The following TMEM132B variants were observed in gnomAD, a reference collection of about 807,000 sequenced individuals.
TMEM132B encodes the protein transmembrane protein 132B.
Under a neutral mutation model 90.8 loss-of-function variants are expected in TMEM132B, and 18 were observed. That is an observed-to-expected ratio of 0.20 (90% CI 0.14 to 0.29). TMEM132B has a LOEUF of 0.29. TMEM132B is among the 10% of genes least tolerant of loss of function. The pLI, the probability that TMEM132B is intolerant of heterozygous loss-of-function variation, is 1.00. For missense variants in TMEM132B, 1,096 were observed against 1,326.8 expected, an observed-to-expected ratio of 0.83 and a Z score of 2.70; for synonymous variants, 504 against 523.3, an observed-to-expected ratio of 0.96 and a Z score of 0.50.
chr12:125,301,707 T>A (rs1044221029), intron 1 of TMEM132B: 5 of 151,480 alleles, frequency 3.3e-5, no homozygotes, highest in Non-Finnish European at 7.4e-5. Flanking sequence ...TGAAACCCTA[T>A]CTCTACTAAA....
intron 1 of TMEM132B, among the ~76,000 whole-genome samples, chr12:125,299,258 CA>C (rs913006756): frequency 2.0e-5 from 3 of 152,206 alleles, no homozygotes; most frequent in Non-Finnish European, 2.9e-5. Flanking sequence ...ACTGTCTCTC[CA>C]ACACTCGGGT....
At chr12:125,364,843 A>T (rs1878076605) in intron 2 of TMEM132B, among the ~76,000 whole-genome samples, 1 of 152,000 alleles carries the variant, frequency 6.6e-6, no homozygotes, top group Admixed American at 6.6e-5. Flanking sequence ...TTTTGTGTGT[A>T]CTGAGGTTGT....
At chr12:125,465,224 T>C (rs934457619) in intron 3 of TMEM132B, among the ~76,000 whole-genome samples, 16 of 152,196 alleles carry the variant, frequency 1.1e-4, no homozygotes, top group African/African-American at 2.9e-4. Flanking sequence ...GGTTCATTCT[T>C]TTGTCCTCTC....
At chr12:125,434,983 A>G (rs1190398735) in intron 3 of TMEM132B, among the ~76,000 whole-genome samples, 2 of 152,086 alleles carry the variant, frequency 1.3e-5, no homozygotes, top group Non-Finnish European at 2.9e-5. Flanking sequence ...TCTCTTACTA[A>G]GCGTTTGGGG....
intron 3 of TMEM132B, among the ~76,000 whole-genome samples, chr12:125,513,823 A>G (rs945232522): frequency 9.9e-5 from 15 of 152,184 alleles, no homozygotes; most frequent in African/African-American, 3.6e-4. Flanking sequence ...TTAAAAATTG[A>G]AGAATTTTGT....
At chr12:125,262,218 G>A (rs936583254) in intron 1 of TMEM132B, among the ~76,000 whole-genome samples, 1 of 147,060 alleles carries the variant, frequency 6.8e-6, no homozygotes, top group Non-Finnish European at 1.5e-5. Flanking sequence ...AGACTAGCCT[G>A]GGCAACATAA....
At chr12:125,547,712 A>G (rs1463913650) in intron 4 of TMEM132B, among the ~76,000 whole-genome samples, 1 of 152,106 alleles carries the variant, frequency 6.6e-6, no homozygotes, top group South Asian at 2.1e-4. Context: ...TGAAGCCCCA[A>G]AGGGCCTTCT....
chr12:125,250,809 C>T (rs144556655), intron 1 of TMEM132B, among the ~76,000 whole-genome samples: 4 of 152,328 alleles, frequency 2.6e-5, no homozygotes, highest in African/African-American at 9.6e-5. Flanking sequence ...CATCCACACT[C>T]AGGAGCCTGC....
intron 5 of TMEM132B, among the ~76,000 whole-genome samples, chr12:125,595,209 G>T (rs1166438401): frequency 6.6e-6 from 1 of 152,134 alleles, no homozygotes; most frequent in East Asian, 1.9e-4. Flanking sequence ...GAAGGGGGAG[G>T]GACCTATTGC....
chr12:125,586,098 T>C (rs1405045121), intron 5 of TMEM132B: 1 of 152,208 alleles, frequency 6.6e-6, no homozygotes, highest in Admixed American at 6.5e-5. Context: ...ACATGGCACA[T>C]TCATTAGCAC....
chr12:125,535,836 G>T (rs1883781044), intron 4 of TMEM132B, among the ~76,000 whole-genome samples: 1 of 152,198 alleles, frequency 6.6e-6, no homozygotes. Context: ...CAGGAGAGGG[G>T]AGCTTGCAGA....
At chr12:125,497,155 T>C (rs1436744035) in intron 3 of TMEM132B, among the ~76,000 whole-genome samples, 3 of 152,208 alleles carry the variant, frequency 2.0e-5, no homozygotes, top group African/African-American at 4.8e-5. Flanking sequence ...TGAAGCACTT[T>C]CCTTCCTCAT....
intron 1 of TMEM132B, among the ~76,000 whole-genome samples, chr12:125,328,374 A>G (rs1044815505): frequency 5.9e-5 from 9 of 152,106 alleles, no homozygotes; most frequent in African/African-American, 2.2e-4. Context: ...TTCTTCCCCA[A>G]ATGGGACCTG....
chr12:125,555,049 G>A (rs551796907), intron 4 of TMEM132B, among the ~76,000 whole-genome samples: 31 of 152,276 alleles, frequency 2.0e-4, no homozygotes, highest in African/African-American at 7.5e-4. Flanking sequence ...AATGATTGAT[G>A]TGACTGGTCG....
At chr12:125,327,816 T>C (rs895327720) in intron 1 of TMEM132B, among the ~76,000 whole-genome samples, 14 of 152,218 alleles carry the variant, frequency 9.2e-5, no homozygotes, top group Non-Finnish European at 1.8e-4. Flanking sequence ...AATCTGTGGC[T>C]GGCAGATGCT....
intron 2 of TMEM132B, among the ~76,000 whole-genome samples, chr12:125,414,567 A>G (rs1288777504): frequency 6.6e-6 from 1 of 152,158 alleles, no homozygotes; most frequent in Non-Finnish European, 1.5e-5. Context: ...GGAAGCAGAG[A>G]GGAGCTGGTC....
chr12:125,625,130 C>CTTTTTTTTTTTTTTTTTTTT (rs1169262449), intron 5 of TMEM132B, among the ~76,000 whole-genome samples: 1 of 103,912 alleles, frequency 9.6e-6, no homozygotes, highest in Non-Finnish European at 1.8e-5. Flanking sequence ...GATTTGACTT[C>CTTTTTTTTTTTTTTTTTTTT]TTTTTTTTTT....
intron 5 of TMEM132B, among the ~76,000 whole-genome samples, chr12:125,618,740 T>G (rs995220184): frequency 6.6e-6 from 1 of 152,112 alleles, no homozygotes; most frequent in Admixed American, 6.5e-5. Flanking sequence ...TCCACAGAGC[T>G]CCTTAGAGAG....
chr12:125,290,108 A>C (rs1875494624), intron 1 of TMEM132B, among the ~76,000 whole-genome samples: 1 of 152,168 alleles, frequency 6.6e-6, no homozygotes, highest in Non-Finnish European at 1.5e-5. Flanking sequence ...GGTATGTTTT[A>C]AAATCCAAAA....
Sources: gnomAD v4.1 joint callset for allele counts (sites outside exome capture counted in the v4.1 genomes callset) on GRCh38, gnomAD v4.1.1 for gene constraint, MANE v1.5 for transcripts, NCBI Gene and HGNC (gene_info 2026-07-23, HGNC 2026-07-21) for gene names.